The following NOTO variants were observed in gnomAD, a reference collection of about 807,000 sequenced individuals.
NOTO encodes notochord homeobox.
A neutral mutation model predicts 20.5 loss-of-function variants in NOTO; 19 were observed. The observed-to-expected ratio is 0.93, with a 90% CI of 0.65 to 1.36. The LOEUF is 1.36. Ranked by LOEUF, NOTO falls within the 40% of genes most tolerant of loss-of-function variation. The pLI is 0.00. For missense variants in NOTO, 369 were observed against 336.2 expected (o/e 1.10, Z -0.76); for synonymous variants, 150 against 150.2 (o/e 1.00, Z 0.01).
chr2:73,207,991 AC>A lies in NOTO; in HGVS notation c.383-408del, dbSNP rs66496618. Among the ~76,000 whole-genome samples, 804 of 152,346 alleles carry A rather than the reference AC, an allele frequency of 5.3e-3. 6 individuals carry two copies. Among genetic ancestry groups the A allele is most frequent in the African/African-American group, 0.017 (718 of 41,566 alleles). ...TGAAACCATGCATGACACACAGTAG[AC>A]ATTCAAAAAGTATAATATTTGTTCA... On this transcript the variant is annotated intron_variant, in intron 1 of 2. Coordinates refer to ENST00000398468, the MANE Select transcript of NOTO (RefSeq NM_001134462.2).
chr2:73,210,845 C>T lies in NOTO; in HGVS notation c.672C>T (p.Ala224=), dbSNP rs776615250. 47 of 1,551,432 alleles carry T rather than the reference C, an allele frequency of 3.0e-5. 3 individuals are homozygous for T. The highest frequency in any genetic ancestry group is 2.5e-4 in the South Asian group (21 of 84,048). The change falls in exon 3 of 3, where the codon GCC becomes GCT. Residue 224 remains alanine (A), a synonymous_variant. Transcript: ENST00000398468. The part of the protein sequence containing the change: ...QQKLRAAVTS[A]EAASLDEPSS... The stretch of plus-strand genomic sequence containing the variant: ...AGCTGAGGGCAGCAGTTACATCTGC[C>T]GAGGCTGCCTCCCTGGATGAGCCTT...
chr2:73,208,466 A>G lies in NOTO; in HGVS notation c.449A>G (p.Gln150Arg), dbSNP rs1366220208. ...GACTGGGCCCCAACGGAGGACCTAC[A>G]GGACACTGAGAGACAGCAAAAGAGA... ...FPDWAPTEDL[Q>R]DTERQQKRVR... Residue 150 changes from glutamine (Q) to arginine (R), a missense_variant, in exon 2 of 3, where the codon CAG becomes CGG. Physicochemically the swap from Gln to Arg is conservative, Grantham distance 43. Coordinates refer to ENST00000398468, the MANE Select transcript of NOTO (RefSeq NM_001134462.2). The G allele has an allele frequency of 6.4e-7, 1 of 1,551,578 alleles. No individual in the cohort carries two copies. The highest frequency in any genetic ancestry group is 1.4e-5 in the African/African-American group (1 of 73,046).
rs1288314353 is a variant in NOTO, at chr2:73,208,417, T to C, written c.400T>C (p.Cys134Arg). 1.3e-6 allele frequency: 2 copies of C among 1,551,526 alleles called. No individual in the cohort carries two copies. The highest frequency in any genetic ancestry group is 3.9e-5 in the Admixed American group (2 of 50,992). The stretch of plus-strand genomic sequence containing the variant: ...CTCTTTAGGGTTGGAGCTGGCTCAC[T>C]GCTCAGGACTCTGGGCCTTCCCAGA... ...FGVTGLELAH[C>R]SGLWAFPDWA... Residue 134 changes from cysteine to arginine, a missense_variant, in exon 2 of 3, where the codon TGC becomes CGC. Coordinates refer to ENST00000398468, the MANE Select transcript of NOTO (RefSeq NM_001134462.2).
chr2:73,210,984 C>A lies in NOTO; in HGVS notation c.*55C>A. Reference sequence around the variant, plus strand: ...CCTGGACTAGTTCCTCCTGGGGGTACCCACTGGAGCTCCCTGCCTCACACC... The same window carrying A: ...CCTGGACTAGTTCCTCCTGGGGGTAACCACTGGAGCTCCCTGCCTCACACC... On this transcript the variant is annotated 3_prime_UTR_variant, in exon 3 of 3. Coordinates refer to ENST00000398468, the MANE Select transcript of NOTO (RefSeq NM_001134462.2). 7.0e-7 allele frequency: 1 copy of A among 1,436,732 alleles called. No individual in the cohort carries two copies. Among genetic ancestry groups the A allele is most frequent in the Non-Finnish European group, 9.4e-7 (1 of 1,063,072 alleles). The allele number at this position is 1,436,732 out of a possible 1,614,324, so 89.0% of individuals were successfully genotyped here.
intron 1 of NOTO, among the ~76,000 whole-genome samples, chr2:73,206,078 A>G (rs1383511510): frequency 6.6e-6 from 1 of 152,104 alleles, no homozygotes; most frequent in Non-Finnish European, 1.5e-5. Context: ...CCTCACTGTG[A>G]AGTCATAAAA....
intron 1 of NOTO, among the ~76,000 whole-genome samples, chr2:73,206,551 G>T (rs763693090): frequency 3.2e-4 from 49 of 151,506 alleles, no homozygotes; most frequent in Admixed American, 4.6e-4. Flanking sequence ...GTTGCCCAGG[G>T]TGGTCTCAAA....
At chr2:73,205,895 G>A (rs1177251742) in intron 1 of NOTO, among the ~76,000 whole-genome samples, 3 of 151,716 alleles carry the variant, frequency 2.0e-5, no homozygotes, top group Non-Finnish European at 2.9e-5. Context: ...TACCATACTC[G>A]ACTAATTTAA....
At position 73,203,666 on chromosome 2, in the gene NOTO, T is replaced by C. The variant is rs539178355; in HGVS notation, c.382+618T>C. On this transcript the variant is annotated intron_variant, in intron 1 of 2. Transcript: ENST00000398468. ...TTAAGGGCCAGGCACTTAAATCTCA[T>C]GAGAAAGTAATTGTAAGGTTGGGCG... 5.8e-4 allele frequency among the ~76,000 whole-genome samples: 88 copies of C among 152,248 alleles called. 1 individual carries two copies. The South Asian group carries it at 0.017, about 29-fold the overall frequency.
intron 2 of NOTO, among the ~76,000 whole-genome samples, 185 bp downstream of exon 2, chr2:73,208,799 C>T (rs1341698273): frequency 1.3e-5 from 2 of 152,018 alleles, no homozygotes; most frequent in Non-Finnish European, 2.9e-5. Flanking sequence ...TTTGAAGTCA[C>T]ATAATGTGAA....
At chr2:73,207,871 T>C (rs1018146106) in intron 1 of NOTO, among the ~76,000 whole-genome samples, 1 of 152,190 alleles carries the variant, frequency 6.6e-6, no homozygotes, top group Non-Finnish European at 1.5e-5. Context: ...CCCAAATTTG[T>C]ATCCTCAGCT....
rs773638952 is a variant in NOTO, at chr2:73,210,748, C to A, written c.598-23C>A. 7.2e-6 allele frequency: 11 copies of A among 1,533,720 alleles called. No individual in the cohort carries two copies. In the African/African-American group the frequency reaches 1.5e-4, roughly 21 times the overall value. On this transcript the variant is annotated intron_variant, in intron 2 of 2. Coordinates refer to ENST00000398468, the MANE Select transcript of NOTO (RefSeq NM_001134462.2). ...TGGGACCTGATGGTCACATTCTGAT[C>A]TCTGCCCACTCTCCAATTATAGGTG... is the stretch of plus-strand genomic sequence containing the variant.
At position 73,202,777 on chromosome 2, in the gene NOTO, C is replaced by G; in HGVS notation, c.111C>G (p.Asn37Lys). 1.3e-6 allele frequency: 2 copies of G among 1,524,194 alleles called. No individual in the cohort carries two copies. Among genetic ancestry groups the G allele is most frequent in the Non-Finnish European group, 1.8e-6 (2 of 1,141,742 alleles). The allele number at this position is 1,524,194 out of a possible 1,614,324, so 94.4% of individuals were successfully genotyped here. The change falls in exon 1 of 3, where the codon AAC (asparagine) becomes AAG (lysine). Residue 37 changes from asparagine to lysine, a missense_variant. Coordinates refer to ENST00000398468, the MANE Select transcript of NOTO (RefSeq NM_001134462.2). ...SPAPRSPTGP[N>K]TPRAPGRFES... is the part of the protein sequence containing the mutation. Reference sequence around the variant, plus strand: ...CGCCCAGGTCCCCTACTGGCCCGAACACGCCCCGCGCTCCCGGACGCTTCG... The same window carrying G: ...CGCCCAGGTCCCCTACTGGCCCGAAGACGCCCCGCGCTCCCGGACGCTTCG...
chr2:73,204,666 T>C (rs562494414), intron 1 of NOTO, among the ~76,000 whole-genome samples: 1 of 152,142 alleles, frequency 6.6e-6, no homozygotes, highest in African/African-American at 2.4e-5. Flanking sequence ...TACTTCATGT[T>C]ACAGTTGCCT....
chr2:73,208,359 C>A, intron 1 of NOTO, 41 bp from the exon 2 acceptor site: 1 of 1,429,978 alleles, frequency 7.0e-7, no homozygotes, highest in Non-Finnish European at 9.6e-7. Context: ...CTAACCTCCC[C>A]TGCTGCTGGA....
chr2:73,202,966 C>T lies in NOTO; in HGVS notation c.300C>T (p.Pro100=), dbSNP rs1686026989. 2 of 1,509,912 alleles carry T rather than the reference C, an allele frequency of 1.3e-6. No homozygotes were observed. The highest frequency in any genetic ancestry group is 2.7e-5 in the East Asian group (1 of 36,738). The allele number at this position is 1,509,912 out of a possible 1,614,324, so 93.5% of individuals were successfully genotyped here. A position where few individuals can be genotyped will look rare whatever the true frequency, so the allele number is the denominator to read the frequency against. The change falls in exon 1 of 3, where the codon CCC becomes CCT. Residue 100 remains proline, a synonymous_variant. Coordinates refer to ENST00000398468, the MANE Select transcript of NOTO (RefSeq NM_001134462.2). ...GGGCTTGCCCGACATCGTGGCTGCC[C>T]GCCTACCTGAGCGTAGGTTTTTACC... The part of the protein sequence containing the change: ...LPWACPTSWL[P]AYLSVGFYPV...
intron 1 of NOTO, among the ~76,000 whole-genome samples, chr2:73,206,756 A>G (rs1558547538): frequency 7.1e-6 from 1 of 141,098 alleles, no homozygotes; most frequent in African/African-American, 2.6e-5. Context: ...CTGGCTGGTA[A>G]TTGGTGGCAG....
intron 2 of NOTO, among the ~76,000 whole-genome samples, chr2:73,209,476 C>T (rs1032934063): frequency 7.4e-6 from 1 of 135,804 alleles, no homozygotes; most frequent in Non-Finnish European, 1.6e-5. Flanking sequence ...CTTTCTTCAG[C>T]TCAGTCCACC....
chr2:73,204,149 G>A (rs140220718), intron 1 of NOTO, among the ~76,000 whole-genome samples: 2,455 of 149,932 alleles, frequency 0.016, 56 homozygotes, highest in Non-Finnish European at 0.02. Context: ...GTGGTGGCGC[G>A]CGCTTGTAAT....
rs911988396 is a variant in NOTO at position 73,208,394 on chromosome 2, CT to C, written c.383-3del. On this transcript the variant is annotated splice_polypyrimidine_tract_variant and splice_region_variant and intron_variant, in intron 1 of 2. Coordinates refer to ENST00000398468, the MANE Select transcript of NOTO (RefSeq NM_001134462.2). ...ATAACCTCCCCTGCTGCTGGTTGCT[CT>C]TTAGGGTTGGAGCTGGCTCACTGCT... The C allele has an allele frequency of 6.5e-7, 1 of 1,549,528 alleles. No individual in the cohort carries two copies. The highest frequency in any genetic ancestry group is 1.4e-5 in the African/African-American group (1 of 72,972).
Sources: gnomAD v4.1 joint callset for allele counts (sites outside exome capture counted in the v4.1 genomes callset) on GRCh38, gnomAD v4.1.1 for gene constraint, MANE v1.5 for transcripts, NCBI Gene and HGNC (gene_info 2026-07-23, HGNC 2026-07-21) for gene names.